Variants in PABPC4L observed in about 807,000 individuals in gnomAD.
The protein encoded by PABPC4L is poly(A) binding protein cytoplasmic 4 like.
For synonymous variants in PABPC4L, 169 were observed against 164.1 expected (o/e 1.03, Z -0.23); for missense variants, 452 against 451.4 (o/e 1.00, Z -0.01).
the PABPC4L span, among the ~76,000 whole-genome samples, chr4:134,161,617 A>G: frequency 9.2e-5 from 14 of 152,248 alleles, no homozygotes; most frequent in Admixed American, 4.6e-4. Flanking sequence ...CCAGACAAAC[A>G]AAAGCTGAGG....
chr4:134,033,581 T>C, the PABPC4L span, among the ~76,000 whole-genome samples: 1 of 152,066 alleles, frequency 6.6e-6, no homozygotes, highest in Non-Finnish European at 1.5e-5. Flanking sequence ...GCTACTTTAG[T>C]GAACATACAA....
the PABPC4L span, among the ~76,000 whole-genome samples, chr4:134,046,659 AG>A: frequency 2.8e-3 from 425 of 152,248 alleles, 4 homozygotes; most frequent in African/African-American, 9.6e-3. Flanking sequence ...GACAATACTC[AG>A]GCTTTCTTGG....
chr4:134,159,013 G>A, the PABPC4L span, among the ~76,000 whole-genome samples: 7 of 151,856 alleles, frequency 4.6e-5, no homozygotes, highest in East Asian at 7.7e-4. Flanking sequence ...GAAAAAGCAC[G>A]GTAAAAATAG....
chr4:133,951,775 C>A, the PABPC4L span, among the ~76,000 whole-genome samples: 1 of 151,974 alleles, frequency 6.6e-6, no homozygotes, highest in Non-Finnish European at 1.5e-5. Context: ...AGAAGGGTAA[C>A]CCCATTAAGT....
In PABPC4L at chr4:134,198,927, G is replaced by T. The variant is rs1334593153; in HGVS notation, c.*980C>A. 1 of 151,876 alleles carries T rather than the reference G, an allele frequency of 6.6e-6. No individual in the cohort carries two copies. The highest frequency in any genetic ancestry group is 6.6e-5 in the Admixed American group (1 of 15,240). The allele number at this position is 151,876 out of a possible 1,614,324, so 9.4% of individuals were successfully genotyped here. ...TAGCTGCCACATTCTAATAAAAGGA[G>T]ATGTGAGTACATAAAAATAGAGGAA... On this transcript the variant is annotated 3_prime_UTR_variant, in exon 2 of 2. Transcript: ENST00000421491.
At chr4:134,135,009 C>T in the PABPC4L span, among the ~76,000 whole-genome samples, 16 of 151,940 alleles carry the variant, frequency 1.1e-4, no homozygotes, top group Non-Finnish European at 1.3e-4. Flanking sequence ...AAGCAAAGAA[C>T]ACCATCCAGA....
chr4:134,079,502 C>A, the PABPC4L span, among the ~76,000 whole-genome samples: 1 of 141,856 alleles, frequency 7.0e-6, no homozygotes, highest in Non-Finnish European at 1.5e-5. Context: ...TGGCATGAAC[C>A]CGGGAGGCAG....
chr4:134,031,284 TC>T, the PABPC4L span, among the ~76,000 whole-genome samples: 100 of 152,148 alleles, frequency 6.6e-4, no homozygotes, highest in African/African-American at 2.2e-3. Flanking sequence ...TACATTTTTT[TC>T]CTATTTGTTT....
At chr4:134,032,333 G>C in the PABPC4L span, among the ~76,000 whole-genome samples, 7 of 151,918 alleles carry the variant, frequency 4.6e-5, no homozygotes, top group South Asian at 2.1e-4. Context: ...AGTCAACTGA[G>C]TTTTATAAAT....
At chr4:133,974,533 C>T in the PABPC4L span, among the ~76,000 whole-genome samples, 6 of 151,848 alleles carry the variant, frequency 4.0e-5, no homozygotes, top group Admixed American at 1.3e-4. Context: ...TTGGGCCTGA[C>T]CAAAACTAAA....
chr4:134,070,591 T>C, the PABPC4L span, among the ~76,000 whole-genome samples: 1 of 151,942 alleles, frequency 6.6e-6, no homozygotes, highest in Non-Finnish European at 1.5e-5. Context: ...CACATGCCGC[T>C]GGAGGAGGGG....
At chr4:134,157,940 G>T in the PABPC4L span, among the ~76,000 whole-genome samples, 1 of 151,674 alleles carries the variant, frequency 6.6e-6, no homozygotes, top group Non-Finnish European at 1.5e-5. Flanking sequence ...ATGTCATTAT[G>T]TGGTCACTTA....
the PABPC4L span, among the ~76,000 whole-genome samples, chr4:134,094,639 A>G: frequency 6.6e-6 from 1 of 151,880 alleles, no homozygotes; most frequent in Non-Finnish European, 1.5e-5. Context: ...TTTTTCCATC[A>G]TTTGCCAAGT....
the PABPC4L span, among the ~76,000 whole-genome samples, chr4:134,020,862 A>C: frequency 3.9e-5 from 6 of 152,122 alleles, no homozygotes; most frequent in Non-Finnish European, 8.8e-5. Context: ...TATAATTGAC[A>C]ACTACTTAGG....
At chr4:133,991,648 G>A in the PABPC4L span, among the ~76,000 whole-genome samples, 1 of 152,178 alleles carries the variant, frequency 6.6e-6, no homozygotes, top group African/African-American at 2.4e-5. Context: ...CTATGGCTGA[G>A]ACTATAAAGG....
chr4:134,095,135 C>T, the PABPC4L span, among the ~76,000 whole-genome samples: 41 of 151,772 alleles, frequency 2.7e-4, no homozygotes, highest in African/African-American at 9.6e-4. Flanking sequence ...AATAAACATG[C>T]TTTTACTTCT....
chr4:134,056,362 A>G, the PABPC4L span, among the ~76,000 whole-genome samples: 3 of 152,096 alleles, frequency 2.0e-5, no homozygotes, highest in East Asian at 3.9e-4. Flanking sequence ...GTTTATATCT[A>G]TATCTACATA....
the PABPC4L span, among the ~76,000 whole-genome samples, chr4:134,050,170 A>T: frequency 3.9e-5 from 6 of 152,128 alleles, no homozygotes; most frequent in African/African-American, 1.2e-4. Flanking sequence ...TTTTTTCAAC[A>T]TCATGGGTTT....
the PABPC4L span, among the ~76,000 whole-genome samples, chr4:133,993,493 A>G: frequency 6.6e-6 from 1 of 152,344 alleles, no homozygotes; most frequent in Admixed American, 6.5e-5. Context: ...TAATTAAGTG[A>G]GAATTGGTAT....
Sources: allele counts gnomAD v4.1 joint callset (sites outside exome capture counted in the v4.1 genomes callset), GRCh38; gene constraint gnomAD v4.1.1; transcripts MANE v1.5; gene names NCBI Gene and HGNC (gene_info 2026-07-23, HGNC 2026-07-21).